Variants in TG observed in about 807,000 individuals in gnomAD.
TG encodes the protein thyroid hormones.
Under a neutral mutation model 324.7 loss-of-function variants are expected in TG, and 270 were observed. The ratio of observed to expected loss-of-function variants is 0.83; its 90% CI spans 0.75 to 0.92. The LOEUF is 0.92. TG is among the 40% of genes least tolerant of loss of function. The pLI is 0.00. For missense variants in TG, 3,591 were observed against 3,456.4 expected (o/e 1.04, Z -0.98); for synonymous variants, 1,401 against 1,327.0 (o/e 1.06, Z -1.21).
chr8:133,023,979 C>G (rs1294047196), intron 40 of TG, among the ~76,000 whole-genome samples: 1 of 152,224 alleles, frequency 6.6e-6, no homozygotes, highest in East Asian at 1.9e-4. Context: ...AAACCATCAG[C>G]AAGAGAGAAG....
At chr8:133,042,678 C>CCTTTTTTTTTTTTTTTTTTTTTTTTTT in intron 41 of TG, among the ~76,000 whole-genome samples, 1 of 56,768 alleles carries the variant, frequency 1.8e-5, no homozygotes, top group Non-Finnish European at 3.2e-5. Flanking sequence ...CATTCTGTGT[C>CCTTTTTTTTTTTTTTTTTTTTTTTTTT]TTTTTTTTTT....
At chr8:133,026,530 G>C (rs935762719) in intron 40 of TG, among the ~76,000 whole-genome samples, 1 of 152,210 alleles carries the variant, frequency 6.6e-6, no homozygotes, top group African/African-American at 2.4e-5. Context: ...GTTCCTCTCT[G>C]TCTGGCAAAG....
intron 3 of TG, 61 bp downstream of exon 3, chr8:132,869,887 A>G: frequency 6.7e-7 from 1 of 1,496,442 alleles, no homozygotes. Flanking sequence ...ACTTCCAGGA[A>G]TGAGCACTGG....
At chr8:133,086,776 G>A (rs1846634211) in intron 41 of TG, among the ~76,000 whole-genome samples, 1 of 152,104 alleles carries the variant, frequency 6.6e-6, no homozygotes. Flanking sequence ...CTATGGGGAA[G>A]CTCTCAATAT....
chr8:132,970,670 G>A (rs962257830), intron 32 of TG, among the ~76,000 whole-genome samples: 1 of 152,198 alleles, frequency 6.6e-6, no homozygotes, highest in Non-Finnish European at 1.5e-5. Context: ...GCTGATGGGA[G>A]TGGTGGATGA....
intron 43 of TG, among the ~76,000 whole-genome samples, chr8:133,112,393 C>T (rs1850328395): frequency 6.6e-6 from 1 of 152,230 alleles, no homozygotes. Context: ...CCAGGGGCTG[C>T]ATCCCAGACT....
At chr8:133,056,932 C>A (rs1218243071) in intron 41 of TG, among the ~76,000 whole-genome samples, 1 of 152,162 alleles carries the variant, frequency 6.6e-6, no homozygotes, top group African/African-American at 2.4e-5. Context: ...CCACCATCCC[C>A]AGGTTCTGAT....
At position 133,027,145 on chromosome 8, in the gene TG, G is replaced by A. The variant is rs141491515; in HGVS notation, c.7037-2676G>A. On this transcript the variant is annotated intron_variant, in intron 40 of 47. Transcript: ENST00000220616. ...TGATGTTCTCTGGAAAGACCAGGGC[G>A]AGCCCAGAACAGTGCTAAGGGGCTT... Among the ~76,000 whole-genome samples the A allele has an allele frequency of 3.6e-3, 541 of 152,302 alleles. 7 individuals are homozygous for A. Among genetic ancestry groups the A allele is most frequent in the African/African-American group, 0.012 (516 of 41,572 alleles).
In TG at chr8:132,898,249, A is replaced by G. The variant is rs1293873862; in HGVS notation, c.3217+3A>G. ...CCGCTCTCTGCAGATTCCACAGTGT[A>G]AGTGAAGACTGCAGAGTTCTCCTCC... On this transcript the variant is annotated splice_donor_region_variant and intron_variant, in intron 13 of 47. Coordinates refer to ENST00000220616, the MANE Select transcript of TG (RefSeq NM_003235.5). 1.3e-6 allele frequency: 2 copies of G among 1,591,524 alleles called. No homozygotes were observed. Among genetic ancestry groups the G allele is most frequent in the East Asian group, 2.3e-5 (1 of 44,434 alleles).
intron 45 of TG, among the ~76,000 whole-genome samples, chr8:133,126,803 A>C (rs2979049): frequency 0.44 from 66,252 of 151,566 alleles, 15,510 homozygotes; most frequent in Non-Finnish European, 0.53. Flanking sequence ...AAAAAAAAAA[A>C]CAAAAAAACA....
chr8:132,972,035 T>G (rs1829597754), intron 33 of TG, among the ~76,000 whole-genome samples, 162 bp downstream of exon 33: 1 of 152,208 alleles, frequency 6.6e-6, no homozygotes, highest in Non-Finnish European at 1.5e-5. Context: ...ATGTGGTAGC[T>G]GAGACATGGC....
chr8:132,960,276 C>A (rs190684723), intron 27 of TG, among the ~76,000 whole-genome samples: 113 of 152,332 alleles, frequency 7.4e-4, no homozygotes, highest in Admixed American at 1.4e-3. Flanking sequence ...TTGATCATAT[C>A]TCGATGTCCC....
intron 43 of TG, among the ~76,000 whole-genome samples, chr8:133,102,122 T>G (rs1016223578): frequency 2.0e-5 from 3 of 152,252 alleles, no homozygotes; most frequent in Admixed American, 6.5e-5. Flanking sequence ...ATTTTAATAT[T>G]AAGATTAGTG....
chr8:132,869,658 G>A, intron 2 of TG, 71 bp from the exon 3 acceptor site: 2 of 1,309,228 alleles, frequency 1.5e-6, no homozygotes, highest in Non-Finnish European at 2.2e-6. Context: ...AAGAAAAGTA[G>A]CCTGAGTGGG....
intron 45 of TG, among the ~76,000 whole-genome samples, chr8:133,130,085 G>A (rs1038755045): frequency 8.5e-5 from 13 of 152,168 alleles, no homozygotes; most frequent in African/African-American, 3.1e-4. Flanking sequence ...TTCAGCATCT[G>A]AAATAAGCAT....
chr8:132,972,213 C>G (rs1829622288), intron 33 of TG: 1 of 450,302 alleles, frequency 2.2e-6, no homozygotes, highest in East Asian at 4.6e-5. Flanking sequence ...TGGTTGATTC[C>G]CTTACTAGTG....
At chr8:132,972,496 C>T (rs1321209409) in intron 33 of TG, 102 bp from the exon 34 acceptor site, 6 of 1,368,894 alleles carry the variant, frequency 4.4e-6, no homozygotes, top group Non-Finnish European at 6.1e-6. Flanking sequence ...TCCCAAATGT[C>T]TGCTGAACAA....
intron 36 of TG, among the ~76,000 whole-genome samples, chr8:133,013,079 T>C (rs1834662724): frequency 6.6e-6 from 1 of 152,100 alleles, no homozygotes; most frequent in Non-Finnish European, 1.5e-5. Context: ...TGGGGAGCCA[T>C]GGAGATATAT....
chr8:132,971,059 C>T (rs556539828), intron 32 of TG, among the ~76,000 whole-genome samples: 9 of 152,216 alleles, frequency 5.9e-5, no homozygotes, highest in South Asian at 2.1e-4. Flanking sequence ...TCAGGAGTCA[C>T]GAATGAGTGG....
Sources: allele counts gnomAD v4.1 joint callset (sites outside exome capture counted in the v4.1 genomes callset), GRCh38; gene constraint gnomAD v4.1.1; transcripts MANE v1.5; gene names NCBI Gene and HGNC (gene_info 2026-07-23, HGNC 2026-07-21).